MERTK: variants seen among roughly 807,000 people sequenced by gnomAD.
The protein encoded by MERTK is tyrosine-protein kinase Mer.
In MERTK, 69 loss-of-function variants were observed where a neutral mutation model predicts 99.3. That is an observed-to-expected ratio of 0.70 (90% CI 0.57 to 0.85). The LOEUF (loss-of-function observed/expected upper bound fraction) is 0.85, where lower values mean the gene tolerates loss of function less well. Among genes scored for constraint, MERTK ranks in the 40% least tolerant of loss-of-function variants. The pLI is 0.00. For synonymous variants in MERTK, 426 were observed against 467.6 expected (o/e 0.91, Z 1.15); for missense variants, 1,125 against 1,249.4 (o/e 0.90, Z 1.50).
At chr2:111,969,242 T>C (rs1002312608) in intron 6 of MERTK, among the ~76,000 whole-genome samples, 2 of 152,176 alleles carry the variant, frequency 1.3e-5, no homozygotes, top group African/African-American at 2.4e-5. Context: ...CACTGCAGGC[T>C]CAGAGTACTC....
intron 10 of MERTK, among the ~76,000 whole-genome samples, chr2:112,000,895 T>C (rs566105475): frequency 2.9e-4 from 44 of 152,294 alleles, no homozygotes; most frequent in Middle Eastern, 3.4e-3. Context: ...TATAGACTTA[T>C]GGATATTCAT....
At chr2:111,912,930 C>T (rs1684280326) in intron 1 of MERTK, 1 of 573,238 alleles carries the variant, frequency 1.7e-6, no homozygotes, top group Non-Finnish European at 2.2e-6. Context: ...CCATGGAGAG[C>T]TGGGCAAGTC....
At chr2:112,012,147 G>T (rs973701725) in intron 15 of MERTK, among the ~76,000 whole-genome samples, 1 of 152,198 alleles carries the variant, frequency 6.6e-6, no homozygotes, top group African/African-American at 2.4e-5. Flanking sequence ...ATCAGAGGTG[G>T]TGATTGGAAT....
intron 15 of MERTK, among the ~76,000 whole-genome samples, chr2:112,017,850 T>C (rs1323747728): frequency 1.3e-5 from 2 of 152,066 alleles, no homozygotes; most frequent in Non-Finnish European, 2.9e-5. Context: ...AAAGAGAAGT[T>C]GGGGTCAATG....
chr2:111,951,962 T>C (rs1293842217), intron 4 of MERTK, among the ~76,000 whole-genome samples: 1 of 152,180 alleles, frequency 6.6e-6, no homozygotes, highest in East Asian at 1.9e-4. Context: ...CTAGAACTTT[T>C]CTGTATGTTT....
At chr2:111,931,657 G>C (rs979218600) in intron 2 of MERTK, among the ~76,000 whole-genome samples, 1 of 150,344 alleles carries the variant, frequency 6.7e-6, no homozygotes, top group South Asian at 2.1e-4. Context: ...CTGCACTCCA[G>C]CCTGGCAACA....
At chr2:111,923,685 T>C (rs977732812) in intron 1 of MERTK, among the ~76,000 whole-genome samples, 4 of 152,188 alleles carry the variant, frequency 2.6e-5, no homozygotes, top group African/African-American at 7.2e-5. Flanking sequence ...CACCCCACTT[T>C]TCCATGTGCT....
At chr2:111,950,040 C>G (rs1009620556) in intron 4 of MERTK, among the ~76,000 whole-genome samples, 1 of 152,106 alleles carries the variant, frequency 6.6e-6, no homozygotes, top group Non-Finnish European at 1.5e-5. Flanking sequence ...TGGGTTCAAG[C>G]GATTCTCCTG....
chr2:112,021,485 C>T lies in MERTK; in HGVS notation c.2253C>T (p.Gly751=), dbSNP rs149178674. The change falls in exon 17 of 19, where the codon GGC becomes GGT. Residue 751 remains glycine (G), a synonymous_variant. Transcript: ENST00000295408. The part of the protein sequence containing the change: ...DFGLSKKIYS[G]DYYRQGRIAK... ...GCCTCTCTAAGAAGATTTACAGTGGCGATTATTACCGCCAAGGCCGCATTG... is the reference window on the plus strand; with the variant it reads ...GCCTCTCTAAGAAGATTTACAGTGGTGATTATTACCGCCAAGGCCGCATTG... 9.3e-6 allele frequency: 15 copies of T among 1,613,792 alleles called. No individual in the cohort carries two copies. In the Middle Eastern group the frequency reaches 6.6e-4, roughly 71 times the overall value.
chr2:112,022,642 G>A (rs1161126685), intron 18 of MERTK: 1 of 730,744 alleles, frequency 1.4e-6, no homozygotes, highest in Non-Finnish European at 2.5e-6. Context: ...CGAACGACAG[G>A]CACGGTCAAG....
At chr2:112,018,411 T>C (rs1215210295) in intron 15 of MERTK, among the ~76,000 whole-genome samples, 2 of 152,176 alleles carry the variant, frequency 1.3e-5, no homozygotes, top group Non-Finnish European at 2.9e-5. Flanking sequence ...TAATACAGAA[T>C]AGAGGCATAA....
intron 1 of MERTK, among the ~76,000 whole-genome samples, chr2:111,914,690 G>A (rs891438810): frequency 5.3e-5 from 8 of 152,150 alleles, no homozygotes; most frequent in African/African-American, 1.2e-4. Context: ...TAGTATGCTG[G>A]ATGACATTGT....
In MERTK at chr2:111,964,368, C is replaced by CGTTT. The variant is rs375087141; in HGVS notation, c.758-821_758-820insTTGT. ...TCTTTGACATGCCCCATCATTGTCT[C>CGTTT]GTGTGTGTGTGTGTGTGTGTGTGTG... On this transcript the variant is annotated intron_variant, in intron 4 of 18. Coordinates refer to ENST00000295408, the MANE Select transcript of MERTK (RefSeq NM_006343.3). Among the ~76,000 whole-genome samples, 709 of 141,268 alleles carry CGTTT rather than the reference C, an allele frequency of 5.0e-3. 36 individuals carry two copies. The East Asian group carries it at 0.12, about 23-fold the overall frequency. The allele number at this position is 141,268 out of a possible 152,430, so 92.7% of individuals were successfully genotyped here.
intron 8 of MERTK, among the ~76,000 whole-genome samples, chr2:111,989,440 T>A (rs898095568): frequency 1.3e-5 from 2 of 151,928 alleles, no homozygotes; most frequent in Non-Finnish European, 2.9e-5. Context: ...CACTGCAAGT[T>A]CCGCCTTCCA....
At chr2:111,967,489 A>G (rs1223462081) in intron 5 of MERTK, among the ~76,000 whole-genome samples, 1 of 152,066 alleles carries the variant, frequency 6.6e-6, no homozygotes, top group African/African-American at 2.4e-5. Context: ...TGAAATAGCT[A>G]CCCTTCACCC....
intron 17 of MERTK, among the ~76,000 whole-genome samples, 197 bp from the exon 18 acceptor site, chr2:112,022,061 A>G (rs991154144): frequency 2.6e-5 from 4 of 152,194 alleles, no homozygotes; most frequent in African/African-American, 9.7e-5. Flanking sequence ...TTCCCAGAAC[A>G]GCTTTTGTAG....
intron 2 of MERTK, among the ~76,000 whole-genome samples, chr2:111,937,562 C>T (rs748426207): frequency 2.0e-5 from 3 of 152,114 alleles, no homozygotes; most frequent in Non-Finnish European, 4.4e-5. Context: ...GCTGTGTTTT[C>T]GGGGCCCCCA....
At chr2:111,997,090 G>C in intron 9 of MERTK, 1 of 669,276 alleles carries the variant, frequency 1.5e-6, no homozygotes, top group Non-Finnish European at 2.7e-6. Context: ...AGTACAGTGT[G>C]ACATTTTGAT....
At chr2:112,017,168 C>T (rs1333834165) in intron 15 of MERTK, among the ~76,000 whole-genome samples, 2 of 152,150 alleles carry the variant, frequency 1.3e-5, no homozygotes, top group East Asian at 1.9e-4. Flanking sequence ...CTGATTGGTC[C>T]ATTTTACAGA....
Sources: allele counts gnomAD v4.1 joint callset (sites outside exome capture counted in the v4.1 genomes callset), GRCh38; gene constraint gnomAD v4.1.1; transcripts MANE v1.5; gene names NCBI Gene and HGNC (gene_info 2026-07-23, HGNC 2026-07-21).